Variants in WWOX observed in about 807,000 individuals in gnomAD.
WWOX encodes WW domain containing oxidoreductase, also known as WW domain-containing oxidoreductase.
In WWOX, 69 loss-of-function variants were observed where a neutral mutation model predicts 46.2. The observed-to-expected ratio is 1.49, with a 90% confidence interval of 1.23 to 1.82. The LOEUF (loss-of-function observed/expected upper bound fraction) is 1.82. Among genes scored for constraint, WWOX ranks in the 40% most tolerant of loss-of-function variants. The probability of loss-of-function intolerance (pLI) is 0.00; values close to 1 mark genes in which losing one functional copy is unlikely to be tolerated. For synonymous variants in WWOX, 359 were observed against 202.6 expected (o/e 1.77, Z -6.56); for missense variants, 919 against 542.6 (o/e 1.69, Z -6.89).
intron 8 of WWOX, among the ~76,000 whole-genome samples, chr16:78,452,947 A>C (rs1442667173): frequency 6.8e-6 from 1 of 147,312 alleles, no homozygotes; most frequent in Non-Finnish European, 1.5e-5. Context: ...ATTATGGCTC[A>C]CTGCAGCCTC....
At chr16:79,076,452 C>G (rs949125010) in intron 8 of WWOX, among the ~76,000 whole-genome samples, 3 of 152,174 alleles carry the variant, frequency 2.0e-5, no homozygotes, top group South Asian at 2.1e-4. Context: ...AAGGTAGTAT[C>G]TTTTTCACAG....
chr16:78,459,143 C>G (rs1236667303), intron 8 of WWOX, among the ~76,000 whole-genome samples: 2 of 152,164 alleles, frequency 1.3e-5, no homozygotes, highest in Non-Finnish European at 2.9e-5. Context: ...TTAGCCTTCT[C>G]AGGTGGCCAC....
intron 8 of WWOX, among the ~76,000 whole-genome samples, chr16:78,865,125 A>G (rs937436917): frequency 5.3e-5 from 8 of 152,124 alleles, no homozygotes; most frequent in African/African-American, 1.7e-4. Flanking sequence ...AACATATTAC[A>G]TATGTTAATA....
intron 1 of WWOX, among the ~76,000 whole-genome samples, chr16:78,100,684 T>C (rs1179339848): frequency 6.6e-6 from 1 of 152,242 alleles, no homozygotes; most frequent in Non-Finnish European, 1.5e-5. Context: ...CTTGGTTTTT[T>C]CACCTGTAAA....
rs1420854261 is a variant in WWOX at position 78,261,776 on chromosome 16, C to CTATATATATA, written c.516+97490_516+97491insATATATATAT. Among the ~76,000 whole-genome samples the CTATATATATA allele has an allele frequency of 4.2e-4, 16 of 38,352 alleles. No homozygotes were observed. The East Asian group carries it at 5.6e-3, about 13-fold the overall frequency. The allele number at this position is 38,352 out of a possible 152,430, so 25.2% of individuals were successfully genotyped here. A position where few individuals can be genotyped will look rare whatever the true frequency, so the allele number is the denominator to read the frequency against. On this transcript the variant is annotated intron_variant, in intron 5 of 8. Transcript: ENST00000566780. ...TCTGTCTATCTATCTATCTATGTAT[C>CTATATATATA]TATCTATCTATCTATATATATATAT...
At chr16:78,630,309 G>A (rs2046397539) in intron 8 of WWOX, among the ~76,000 whole-genome samples, 1 of 152,138 alleles carries the variant, frequency 6.6e-6, no homozygotes, top group South Asian at 2.1e-4. Context: ...CTGCATCTGG[G>A]AACTTGGAAT....
chr16:79,196,627 C>T (rs1037268717), intron 8 of WWOX: 25 of 152,240 alleles, frequency 1.6e-4, no homozygotes, highest in African/African-American at 5.3e-4. Context: ...CATACCCAGT[C>T]TCCATTCCTT....
intron 5 of WWOX, among the ~76,000 whole-genome samples, chr16:78,321,129 A>C (rs1196254932): frequency 6.6e-6 from 1 of 151,992 alleles, no homozygotes; most frequent in East Asian, 1.9e-4. Flanking sequence ...AGTTGGGTAC[A>C]TAAAATTTCT....
chr16:78,405,493 A>G (rs1023355202), intron 6 of WWOX, among the ~76,000 whole-genome samples: 1 of 152,184 alleles, frequency 6.6e-6, no homozygotes, highest in Admixed American at 6.5e-5. Context: ...CTGATTTTAT[A>G]TGTTGATGTT....
At chr16:78,628,882 G>A (rs946660087) in intron 8 of WWOX, among the ~76,000 whole-genome samples, 19 of 152,160 alleles carry the variant, frequency 1.2e-4, no homozygotes, top group South Asian at 2.1e-4. Flanking sequence ...TCCCATTAGT[G>A]ATGGTCCCAG....
Position 79,000,757 on chromosome 16 carries a change from G to T in WWOX, c.1057-210851G>T, listed in dbSNP as rs1343022290. ...TGGGGGTAATTTGTTACAGCAGCCA[G>T]AGGAAGCTAAGGCACCCTATAATAT... On this transcript the variant is annotated intron_variant, in intron 8 of 8. Transcript: ENST00000566780. Among the ~76,000 whole-genome samples the T allele has an allele frequency of 2.0e-5, 3 of 152,206 alleles. No homozygotes were observed. The East Asian group carries it at 5.8e-4, about 29-fold the overall frequency.
chr16:78,794,056 G>A (rs1006604817), intron 8 of WWOX, among the ~76,000 whole-genome samples: 1 of 152,154 alleles, frequency 6.6e-6, no homozygotes, highest in Admixed American at 6.5e-5. Flanking sequence ...CAGAATGTCT[G>A]TGTCACCCCA....
chr16:78,918,513 A>T (rs905548411), intron 8 of WWOX, among the ~76,000 whole-genome samples: 2 of 152,130 alleles, frequency 1.3e-5, no homozygotes, highest in Non-Finnish European at 2.9e-5. Context: ...ATGTGTTCAG[A>T]GGTCTCTGCA....
rs61113878 is a variant in WWOX at position 78,356,071 on chromosome 16, T to TAAAAAAAAAAAAA, written c.517-30779_517-30767dup. Among the ~76,000 whole-genome samples, 41 of 76,126 alleles carry TAAAAAAAAAAAAA rather than the reference T, an allele frequency of 5.4e-4. 1 individual carries two copies. Among genetic ancestry groups the TAAAAAAAAAAAAA allele is most frequent in the African/African-American group, 1.3e-3 (28 of 21,584 alleles). 49.9% of individuals were successfully genotyped at this position (76,126 alleles called of 152,430 possible). ...TATGACCACCAAGATTTTTTTTTCC[T>TAAAAAAAAAAAAA]AAAAAAAAAAAAAAAAAAAAAAGAA... On this transcript the variant is annotated intron_variant, in intron 5 of 8. Coordinates refer to ENST00000566780, the MANE Select transcript of WWOX (RefSeq NM_016373.4).
At chr16:78,651,177 A>C (rs2046957820) in intron 8 of WWOX, among the ~76,000 whole-genome samples, 1 of 152,196 alleles carries the variant, frequency 6.6e-6, no homozygotes, top group African/African-American at 2.4e-5. Context: ...TTAAGCATCA[A>C]AGTAGCACCA....
chr16:78,825,430 T>C, intron 8 of WWOX: 1 of 344,242 alleles, frequency 2.9e-6, no homozygotes, highest in Non-Finnish European at 5.9e-6. Context: ...AACAAATATC[T>C]TAGCCAACAG....
chr16:78,353,799 G>A (rs534342955), intron 5 of WWOX, among the ~76,000 whole-genome samples: 10 of 152,326 alleles, frequency 6.6e-5, no homozygotes, highest in Non-Finnish European at 1.2e-4. Context: ...TGCAAGGTCA[G>A]CAGTTAGCGT....
chr16:78,493,235 C>T (rs186952362), intron 8 of WWOX, among the ~76,000 whole-genome samples: 135 of 152,308 alleles, frequency 8.9e-4, no homozygotes, highest in African/African-American at 3.2e-3. Flanking sequence ...GACACTCACT[C>T]TTTAACCATA....
rs182407200 is a variant in WWOX, at chr16:78,992,254, A to C, written c.1057-219354A>C. Among the ~76,000 whole-genome samples the C allele has an allele frequency of 3.3e-5, 5 of 151,810 alleles. No homozygotes were observed. The East Asian group carries it at 9.7e-4, about 30-fold the overall frequency. On this transcript the variant is annotated intron_variant, in intron 8 of 8. Transcript: ENST00000566780. ...TTTGGTCACCCCTTCTGTAAGACCAACTCCCTTATCTGCCTGTACAGTGTT... is the reference window on the plus strand; with the variant it reads ...TTTGGTCACCCCTTCTGTAAGACCACCTCCCTTATCTGCCTGTACAGTGTT...
Sources: allele counts gnomAD v4.1 joint callset (sites outside exome capture counted in the v4.1 genomes callset), GRCh38; gene constraint gnomAD v4.1.1; transcripts MANE v1.5; gene names NCBI Gene and HGNC (gene_info 2026-07-23, HGNC 2026-07-21).